Variants in CEP83 observed in about 807,000 individuals in gnomAD.
The protein encoded by CEP83 is centrosomal protein 83.
A neutral mutation model predicts 101.9 loss-of-function variants in CEP83; 70 were observed. That is an observed-to-expected ratio of 0.69 (90% CI 0.57 to 0.84). The LOEUF is 0.84. Ranked by LOEUF, CEP83 falls within the 40% of genes least tolerant of loss-of-function variation. The pLI is 0.00. For missense variants in CEP83, 715 were observed against 787.2 expected, an observed-to-expected ratio of 0.91 and a Z score of 1.10; for synonymous variants, 264 against 267.9, an observed-to-expected ratio of 0.99 and a Z score of 0.14.
At chr12:94,408,150 T>C (rs1447786021) in intron 4 of CEP83, 1 of 152,224 alleles carries the variant, frequency 6.6e-6, no homozygotes, top group East Asian at 1.9e-4. Context: ...TTGCCACTAC[T>C]TGTCTCCAAA....
chr12:94,405,789 G>A (rs1312969280), intron 4 of CEP83, among the ~76,000 whole-genome samples: 2 of 152,184 alleles, frequency 1.3e-5, no homozygotes, highest in African/African-American at 4.8e-5. Context: ...TCCCTGAGTT[G>A]AGGAGATGAA....
chr12:94,437,138 G>GT (rs763937119), intron 1 of CEP83, among the ~76,000 whole-genome samples: 6 of 151,664 alleles, frequency 4.0e-5, no homozygotes, highest in Non-Finnish European at 7.4e-5. Flanking sequence ...AAGGTCAGGA[G>GT]TTTGAGACCA....
At chr12:94,309,062 G>A in intron 16 of CEP83, 145 bp from the exon 17 acceptor site, 2 of 584,806 alleles carry the variant, frequency 3.4e-6, no homozygotes, top group Non-Finnish European at 6.1e-6. Flanking sequence ...CAGTAGCATG[G>A]GCTAAACTAC....
intron 6 of CEP83, among the ~76,000 whole-genome samples, chr12:94,394,514 TA>T (rs1566076497): frequency 6.6e-6 from 1 of 152,084 alleles, no homozygotes; most frequent in Non-Finnish European, 1.5e-5. Context: ...CCTAAAACCA[TA>T]AAAACCCTAG....
intron 1 of CEP83, among the ~76,000 whole-genome samples, chr12:94,449,176 T>C (rs1464446977): frequency 2.6e-5 from 4 of 152,120 alleles, no homozygotes; most frequent in Non-Finnish European, 5.9e-5. Context: ...ATAATTTATA[T>C]GAAATGGACT....
At chr12:94,303,735 T>C, downstream of CEP83, 1 of 1,119,382 alleles carries the variant, frequency 8.9e-7, no homozygotes, top group Non-Finnish European at 1.2e-6. Context: ...ATGGTTGCTT[T>C]TTTTTTTTTT....
At chr12:94,432,757 C>A (rs1566191137) in intron 2 of CEP83, among the ~76,000 whole-genome samples, 1 of 152,130 alleles carries the variant, frequency 6.6e-6, no homozygotes, top group Non-Finnish European at 1.5e-5. Context: ...ATGTTCCCAA[C>A]ATAAATGATA....
intron 12 of CEP83, 39 bp downstream of exon 12, chr12:94,335,550 C>T (rs962383007): frequency 1.5e-6 from 2 of 1,351,800 alleles, no homozygotes; most frequent in African/African-American, 2.9e-5. Flanking sequence ...TAAAGAAGCA[C>T]TTGAAAAAAT....
At chr12:94,420,721 A>G (rs2064669241) in intron 2 of CEP83, among the ~76,000 whole-genome samples, 1 of 152,138 alleles carries the variant, frequency 6.6e-6, no homozygotes, top group African/African-American at 2.4e-5. Flanking sequence ...CTCTATATAT[A>G]TAGGGTGAAT....
intron 6 of CEP83, among the ~76,000 whole-genome samples, chr12:94,386,103 G>A (rs1341578629): frequency 6.6e-6 from 1 of 152,090 alleles, no homozygotes; most frequent in Non-Finnish European, 1.5e-5. Context: ...ACATATCCCT[G>A]TCATTAAGCT....
the CEP83 span, among the ~76,000 whole-genome samples, chr12:94,268,673 C>T: frequency 3.4e-5 from 5 of 145,312 alleles, no homozygotes; most frequent in Non-Finnish European, 5.9e-5. Flanking sequence ...TGGCTCACTG[C>T]AACCTCCGCC....
At chr12:94,290,495 A>AGCCGGCCCCT in the CEP83 span, among the ~76,000 whole-genome samples, 462 of 152,352 alleles carry the variant, frequency 3.0e-3, 4 homozygotes, top group African/African-American at 0.01. Context: ...TGATGGCCCC[A>AGCCGGCCCCT]GCCGGCCCCT....
In CEP83 at chr12:94,335,507, C is replaced by A. The variant is rs74570228; in HGVS notation, c.1419+82G>T. ...GGTTAGATTCTAAAAATACTGATGG[C>A]AAAATTTTTTTAAAATTTGCAAAAC... On this transcript the variant is annotated intron_variant, in intron 12 of 16. Coordinates refer to ENST00000397809, the MANE Select transcript of CEP83 (RefSeq NM_016122.3). 37 of 855,952 alleles carry A rather than the reference C, an allele frequency of 4.3e-5. No individual in the cohort carries two copies. The African/African-American group carries it at 5.9e-4, about 14-fold the overall frequency. 53.0% of individuals were successfully genotyped at this position (855,952 alleles called of 1,614,324 possible).
chr12:94,296,365 T>C, the CEP83 span, among the ~76,000 whole-genome samples: 1 of 152,182 alleles, frequency 6.6e-6, no homozygotes, highest in African/African-American at 2.4e-5. Context: ...TCTCGCTACA[T>C]TGTCCAGGCT....
chr12:94,455,872 C>T (rs924989326), intron 1 of CEP83, among the ~76,000 whole-genome samples: 3 of 151,750 alleles, frequency 2.0e-5, no homozygotes, highest in African/African-American at 7.3e-5. Flanking sequence ...GTGGTGAAAC[C>T]CTGTCTCTAT....
chr12:94,321,438 T>C (rs1309389932), intron 14 of CEP83, among the ~76,000 whole-genome samples: 2 of 152,198 alleles, frequency 1.3e-5, no homozygotes, highest in Admixed American at 6.5e-5. Flanking sequence ...ACTCCGACCA[T>C]CTGTGTTGCT....
chr12:94,342,767 G>T (rs2059739985), intron 11 of CEP83, among the ~76,000 whole-genome samples: 1 of 151,406 alleles, frequency 6.6e-6, no homozygotes, highest in African/African-American at 2.4e-5. Context: ...AGTGGTGATG[G>T]TATCAGACAA....
chr12:94,442,041 T>G (rs114719076), intron 1 of CEP83, among the ~76,000 whole-genome samples: 1 of 151,914 alleles, frequency 6.6e-6, no homozygotes, highest in African/African-American at 2.4e-5. Context: ...TGCATGTTTA[T>G]AGCAGCACAT....
downstream of CEP83, among the ~76,000 whole-genome samples, chr12:94,304,771 G>A (rs938763250): frequency 5.3e-5 from 8 of 152,102 alleles, no homozygotes; most frequent in Admixed American, 1.3e-4. Context: ...GCACGAGGAG[G>A]GACTACACTG....
Sources: gnomAD v4.1 joint callset for allele counts (sites outside exome capture counted in the v4.1 genomes callset) on GRCh38, gnomAD v4.1.1 for gene constraint, MANE v1.5 for transcripts, NCBI Gene and HGNC (gene_info 2026-07-23, HGNC 2026-07-21) for gene names.